The following SH2D4A variants were observed in gnomAD, a reference collection of about 807,000 sequenced individuals.
The protein encoded by SH2D4A is SH2 domain-containing protein 4A.
SH2D4A carries 70 observed loss-of-function variants against 64.7 expected under a neutral mutation model. That is an observed-to-expected ratio of 1.08 (90% CI 0.89 to 1.32). The LOEUF (loss-of-function observed/expected upper bound fraction) is 1.32. SH2D4A is among the 40% of genes most tolerant of loss of function. SH2D4A has a pLI of 0.00. For missense variants in SH2D4A, 706 were observed against 540.1 expected, an observed-to-expected ratio of 1.31 and a Z score of -3.04; for synonymous variants, 268 against 200.7, an observed-to-expected ratio of 1.34 and a Z score of -2.83.
At chr8:19,352,895 G>A (rs1032883193) in intron 4 of SH2D4A, among the ~76,000 whole-genome samples, 5 of 151,992 alleles carry the variant, frequency 3.3e-5, no homozygotes, top group African/African-American at 1.2e-4. Context: ...TGTAGTCCCA[G>A]CTACTTTGGG....
chr8:19,330,763 C>A lies in SH2D4A; in HGVS notation c.182-2192C>A, dbSNP rs566201818. 3.3e-5 allele frequency among the ~76,000 whole-genome samples: 5 copies of A among 151,720 alleles called. No individual in the cohort carries two copies. The South Asian group carries it at 1.0e-3, about 32-fold the overall frequency. On this transcript the variant is annotated intron_variant, in intron 2 of 9. Coordinates refer to ENST00000265807, the MANE Select transcript of SH2D4A (RefSeq NM_022071.4). ...CATCTTTCTGGGCATCTTCCTCTTG[C>A]TGTCAAAAAAAAAATACCGACAGAG...
At chr8:19,387,994 G>A (rs975659853) in intron 8 of SH2D4A, among the ~76,000 whole-genome samples, 2 of 152,188 alleles carry the variant, frequency 1.3e-5, no homozygotes, top group Non-Finnish European at 2.9e-5. Context: ...GCTAAGCTCA[G>A]ATGTTGGAAG....
rs112495981 is a variant in SH2D4A, at chr8:19,372,649, C to A, written c.918-881C>A. ...TGTTGTGTTTAAATTGAATTCTGCT[C>A]AAAATTAGTACGCTGTTGAGTAGGA... On this transcript the variant is annotated intron_variant, in intron 7 of 9. Coordinates refer to ENST00000265807, the MANE Select transcript of SH2D4A (RefSeq NM_022071.4). Among the ~76,000 whole-genome samples the A allele has an allele frequency of 1.3e-5, 2 of 152,140 alleles. 1 individual carries two copies. Among genetic ancestry groups the A allele is most frequent in the South Asian group, 4.1e-4 (2 of 4,826 alleles).
At chr8:19,352,518 G>A (rs1047096312) in intron 4 of SH2D4A, among the ~76,000 whole-genome samples, 3 of 152,218 alleles carry the variant, frequency 2.0e-5, no homozygotes, top group Non-Finnish European at 2.9e-5. Flanking sequence ...ATATGAGGCA[G>A]ATAAGATTGC....
At chr8:19,362,079 A>C (rs1209386260) in intron 6 of SH2D4A, among the ~76,000 whole-genome samples, 4 of 152,248 alleles carry the variant, frequency 2.6e-5, no homozygotes, top group Non-Finnish European at 1.5e-5. Flanking sequence ...CTGAACTGCT[A>C]GATCAACCTG....
chr8:19,371,196 C>G (rs191260684), intron 7 of SH2D4A, among the ~76,000 whole-genome samples: 32 of 152,136 alleles, frequency 2.1e-4, no homozygotes, highest in African/African-American at 7.2e-4. Flanking sequence ...TAACAAAAAT[C>G]ATGTTAGCAT....
intron 8 of SH2D4A, among the ~76,000 whole-genome samples, chr8:19,380,957 A>G (rs1172295201): frequency 6.6e-6 from 1 of 151,886 alleles, no homozygotes; most frequent in African/African-American, 2.4e-5. Flanking sequence ...ATCATTTTGC[A>G]TAGTATTGTT....
chr8:19,370,693 C>G (rs2053080569), intron 7 of SH2D4A, among the ~76,000 whole-genome samples: 1 of 152,098 alleles, frequency 6.6e-6, no homozygotes, highest in Non-Finnish European at 1.5e-5. Context: ...TATTTAGCCA[C>G]TCTATGCCTT....
chr8:19,378,183 G>A (rs1490400532), intron 8 of SH2D4A, among the ~76,000 whole-genome samples: 2 of 151,998 alleles, frequency 1.3e-5, no homozygotes, highest in Non-Finnish European at 2.9e-5. Flanking sequence ...CTGATCCTTT[G>A]TCAATTATAT....
chr8:19,373,504 A>C, intron 7 of SH2D4A, 26 bp from the exon 8 acceptor site: 1 of 1,547,576 alleles, frequency 6.5e-7, no homozygotes, highest in Non-Finnish European at 8.7e-7. Flanking sequence ...GTTAAATCTA[A>C]CTTGAAAAAC....
At chr8:19,316,457 T>G (rs182067241) in intron 1 of SH2D4A, among the ~76,000 whole-genome samples, 6 of 152,280 alleles carry the variant, frequency 3.9e-5, no homozygotes, top group Admixed American at 3.9e-4. Context: ...GATGACTAAG[T>G]GCAAGGGGAA....
intron 8 of SH2D4A, among the ~76,000 whole-genome samples, chr8:19,389,662 A>G (rs1439992765): frequency 6.6e-6 from 1 of 152,194 alleles, no homozygotes; most frequent in African/African-American, 2.4e-5. Flanking sequence ...TCTAAAATCA[A>G]CAGACTGTTG....
At chr8:19,326,391 C>T (rs1052380406) in intron 2 of SH2D4A, among the ~76,000 whole-genome samples, 5 of 152,144 alleles carry the variant, frequency 3.3e-5, no homozygotes, top group African/African-American at 1.2e-4. Flanking sequence ...CCACTTGGGA[C>T]AATATGGCAG....
intron 4 of SH2D4A, among the ~76,000 whole-genome samples, chr8:19,335,374 T>A (rs2052431010): frequency 6.6e-6 from 1 of 152,184 alleles, no homozygotes; most frequent in Non-Finnish European, 1.5e-5. Context: ...AAAGCACCCC[T>A]ATTTCATGAG....
chr8:19,379,728 T>A (rs894579181), intron 8 of SH2D4A, among the ~76,000 whole-genome samples: 4 of 152,094 alleles, frequency 2.6e-5, no homozygotes, highest in African/African-American at 9.7e-5. Context: ...CACTTGTTAT[T>A]TTTCTTTTTC....
chr8:19,391,538 G>A (rs1006784285), intron 8 of SH2D4A, among the ~76,000 whole-genome samples: 4 of 152,158 alleles, frequency 2.6e-5, no homozygotes, highest in African/African-American at 9.7e-5. Context: ...TTGACTATCT[G>A]CAAGTCGGGG....
intron 8 of SH2D4A, among the ~76,000 whole-genome samples, chr8:19,386,712 A>AAAAGGGGT (rs1187353831): frequency 6.6e-6 from 1 of 152,180 alleles, no homozygotes; most frequent in African/African-American, 2.4e-5. Flanking sequence ...TTTTGAATAG[A>AAAAGGGGT]AAAGGGGTTC....
intron 1 of SH2D4A, among the ~76,000 whole-genome samples, chr8:19,315,698 T>G (rs1021788933): frequency 3.3e-5 from 5 of 152,210 alleles, no homozygotes; most frequent in African/African-American, 1.2e-4. Context: ...CTTTGTTGGA[T>G]CTTGAATAAC....
rs113087660 is a variant in SH2D4A at position 19,326,186 on chromosome 8, T to G, written c.181+6458T>G. ...TGTGATCTTGGGCAAGTTATTTAAC[T>G]TCCTTGAGCCTCAACTTCCTCATTG... On this transcript the variant is annotated intron_variant, in intron 2 of 9. Coordinates refer to ENST00000265807, the MANE Select transcript of SH2D4A (RefSeq NM_022071.4). Among the ~76,000 whole-genome samples the G allele has an allele frequency of 6.7e-3, 1,018 of 152,356 alleles. 9 individuals are homozygous for G. Among genetic ancestry groups the G allele is most frequent in the African/African-American group, 0.023 (960 of 41,582 alleles).
Sources: allele counts gnomAD v4.1 joint callset (sites outside exome capture counted in the v4.1 genomes callset), GRCh38; gene constraint gnomAD v4.1.1; transcripts MANE v1.5; gene names NCBI Gene and HGNC (gene_info 2026-07-23, HGNC 2026-07-21).